KHSRP: variants seen among roughly 807,000 people sequenced by gnomAD.
KHSRP encodes the protein far upstream element-binding protein 2.
A neutral mutation model predicts 94.9 loss-of-function variants in KHSRP; 13 were observed. The ratio of observed to expected loss-of-function variants is 0.14; its 90% CI spans 0.09 to 0.22. The LOEUF (loss-of-function observed/expected upper bound fraction) is 0.22, where lower values mean the gene tolerates loss of function less well. Ranked by LOEUF, KHSRP falls within the 10% of genes least tolerant of loss-of-function variation. The pLI is 1.00. For missense variants in KHSRP, 710 were observed against 1,010.0 expected (o/e 0.70, Z 4.03); for synonymous variants, 495 against 401.4 (o/e 1.23, Z -2.79).
chr19:6,423,701 G>C (rs578047712), intron 1 of KHSRP, among the ~76,000 whole-genome samples: 1 of 152,362 alleles, frequency 6.6e-6, no homozygotes, highest in South Asian at 2.1e-4. Flanking sequence ...CATTGGGACA[G>C]CCCAGGAGCC....
chr19:6,420,027 G>A (rs768005860), intron 6 of KHSRP, 46 bp downstream of exon 6: 1 of 1,439,006 alleles, frequency 6.9e-7, no homozygotes, highest in South Asian at 1.2e-5. Context: ...AGTGCAAAGG[G>A]CCCAACCCTG....
At position 6,418,131 on chromosome 19, in the gene KHSRP, C is replaced by A. The variant is rs2860167; in HGVS notation, c.880-52G>T. 30 of 1,513,772 alleles carry A rather than the reference C, an allele frequency of 2.0e-5. No individual in the cohort carries two copies. The highest frequency in any genetic ancestry group is 2.5e-5 in the Non-Finnish European group (27 of 1,092,210). The allele number at this position is 1,513,772 out of a possible 1,614,324, so 93.8% of individuals were successfully genotyped here. A position where few individuals can be genotyped will look rare whatever the true frequency, so the allele number is the denominator to read the frequency against. Reference sequence around the variant, plus strand: ...ATGGGTGAGCCCTGCTGCCCCACACCCCCCCACCTCCTCGGGGGTGCGGGC... The same window carrying A: ...ATGGGTGAGCCCTGCTGCCCCACACACCCCCACCTCCTCGGGGGTGCGGGC... On this transcript the variant is annotated intron_variant, in intron 9 of 18. Transcript: ENST00000600480. The surrounding 1 kb of genome is among the most constrained non-coding windows in gnomAD (Gnocchi z 4.3).
rs185800143 is a variant in KHSRP, at chr19:6,414,244, C to A, written c.*780G>T. ...GCCAGGAAGCCCCCTCCCAAACCTG[C>A]GCTGGCTCAGGCTGGAAGGACGTGC... On this transcript the variant is annotated 3_prime_UTR_variant, in exon 19 of 19. Transcript: ENST00000600480. 3 of 1,497,384 alleles carry A rather than the reference C, an allele frequency of 2.0e-6. No homozygotes were observed. The African/African-American group carries it at 4.3e-5, about 21-fold the overall frequency. The allele number at this position is 1,497,384 out of a possible 1,614,324, so 92.8% of individuals were successfully genotyped here.
Position 6,423,923 on chromosome 19 carries a change from T to C in KHSRP, c.249+530A>G, listed in dbSNP as rs373989239. Among the ~76,000 whole-genome samples, 91 of 152,302 alleles carry C rather than the reference T, an allele frequency of 6.0e-4. No homozygotes were observed. In the Middle Eastern group the frequency reaches 0.034, roughly 57 times the overall value. ...CAAAGCATCCAAGAGCCAGTCCCCA[T>C]GCTCGTCTTCCCCATTTCGCCCAAG... On this transcript the variant is annotated intron_variant, in intron 1 of 18. Coordinates refer to ENST00000600480, the MANE Select transcript of KHSRP (RefSeq NM_001366299.1).
At chr19:6,423,266 G>A (rs1268464228) in intron 1 of KHSRP, among the ~76,000 whole-genome samples, 2 of 152,156 alleles carry the variant, frequency 1.3e-5, no homozygotes, top group African/African-American at 4.8e-5. Context: ...GTGATATTGA[G>A]ACTGTTTCCA....
chr19:6,416,380 G>A lies in KHSRP; in HGVS notation c.1516C>T (p.Pro506Ser). The change falls in exon 15 of 19, where the codon CCA becomes TCA. Residue 506 changes from proline to serine, a missense_variant. Pro to Ser is a moderately conservative substitution (Grantham distance 74, BLOSUM62 -1). Coordinates refer to ENST00000600480, the MANE Select transcript of KHSRP (RefSeq NM_001366299.1). ...EGPLCPVGPGPGGPGPAGPMG... is the reference protein window; with the variant it reads ...EGPLCPVGPGSGGPGPAGPMG... Reference sequence around the variant, plus strand: ...GGGCCAGCAGGGCCTGGGCCACCTGGGCCTGGTCCAACTGGGCAGAGAGGA... The same window carrying A: ...GGGCCAGCAGGGCCTGGGCCACCTGAGCCTGGTCCAACTGGGCAGAGAGGA... 6.2e-7 allele frequency: 1 copy of A among 1,613,120 alleles called. No individual in the cohort carries two copies. Among genetic ancestry groups the A allele is most frequent in the Non-Finnish European group, 8.5e-7 (1 of 1,179,624 alleles).
Position 6,420,475 on chromosome 19 carries a change from T to TA in KHSRP, c.426-5dup. On this transcript the variant is annotated splice_region_variant and splice_polypyrimidine_tract_variant and intron_variant, in intron 4 of 18. Transcript: ENST00000600480. The stretch of plus-strand genomic sequence containing the variant: ...GTACTCTTCTGTCATTGAAGTCCTG[T>TA]AAAGAGACACGCCAAAGGTCAGTCC... 1 of 1,613,798 alleles carries TA rather than the reference T, an allele frequency of 6.2e-7. No homozygotes were observed. The highest frequency in any genetic ancestry group is 8.5e-7 in the Non-Finnish European group (1 of 1,179,768).
rs942407857 is a variant in KHSRP at position 6,413,991 on chromosome 19, C to A, written c.*1033G>T. The A allele has an allele frequency of 5.6e-6, 7 of 1,254,724 alleles. No homozygotes were observed. In the Admixed American group the frequency reaches 8.8e-5, roughly 16 times the overall value. 77.7% of individuals were successfully genotyped at this position (1,254,724 alleles called of 1,614,324 possible). A position where few individuals can be genotyped will look rare whatever the true frequency, so the allele number is the denominator to read the frequency against. The stretch of plus-strand genomic sequence containing the variant: ...CCCCCCACCCTGCTTGCCGCGAGGG[C>A]TCCCCAGTACTCCCCACGGCAGCCA... On this transcript the variant is annotated 3_prime_UTR_variant, in exon 19 of 19. Transcript: ENST00000600480.
rs372931948 is a variant in KHSRP, at chr19:6,420,194, C to G, written c.476-50G>C. The G allele has an allele frequency of 6.7e-5, 103 of 1,533,986 alleles. No homozygotes were observed. The African/African-American group carries it at 1.3e-3, about 19-fold the overall frequency. ...GCAAAGCGTGATGAGGGAAGGGAGC[C>G]CAGGCCTCAGGAGACTGTGTGGCCG... On this transcript the variant is annotated intron_variant, in intron 5 of 18. Transcript: ENST00000600480.
intron 1 of KHSRP, among the ~76,000 whole-genome samples, chr19:6,423,668 G>A (rs1399535129): frequency 6.6e-6 from 1 of 152,214 alleles, no homozygotes; most frequent in Non-Finnish European, 1.5e-5. Flanking sequence ...ACCTTGGGAG[G>A]AGCCAGTCTC....
At chr19:6,419,583 C>G (rs983474155) in intron 6 of KHSRP, among the ~76,000 whole-genome samples, 1 of 152,192 alleles carries the variant, frequency 6.6e-6, no homozygotes, top group Non-Finnish European at 1.5e-5. Context: ...GCTACACGCC[C>G]AAGGAAGCCT....
chr19:6,421,094 G>A (rs2092192395), intron 4 of KHSRP, 184 bp downstream of exon 4: 2 of 624,552 alleles, frequency 3.2e-6, no homozygotes, highest in South Asian at 2.0e-5. Context: ...CAGCCCTTCA[G>A]ACAAGGGGTA....
At chr19:6,421,533 T>C (rs1281860146) in intron 3 of KHSRP, 117 bp downstream of exon 3, 3 of 1,197,566 alleles carry the variant, frequency 2.5e-6, no homozygotes, top group Non-Finnish European at 3.7e-6. Context: ...GGCCCCAGAA[T>C]GAAGCACCAG....
In KHSRP at chr19:6,418,613, GCTCT is replaced by G. The variant is rs1206106782; in HGVS notation, c.781-36_781-33del. On this transcript the variant is annotated intron_variant, in intron 8 of 18. Coordinates refer to ENST00000600480, the MANE Select transcript of KHSRP (RefSeq NM_001366299.1). This position sits in a 1 kb window ranked among gnomAD's most constrained non-coding sequence, Gnocchi z 4.3. Reference sequence around the variant, plus strand: ...AAGCAAGGTTAACCGTTAGTGCTGGGCTCTCCCAGGACTTCCTGGGCTGCTGTGG... The same window carrying G: ...AAGCAAGGTTAACCGTTAGTGCTGGGCCCAGGACTTCCTGGGCTGCTGTGG... The G allele has an allele frequency of 6.2e-7, 1 of 1,612,314 alleles. No individual in the cohort carries two copies. Among genetic ancestry groups the G allele is most frequent in the East Asian group, 2.2e-5 (1 of 44,874 alleles).
chr19:6,413,482 C>G lies in KHSRP; in HGVS notation c.*1542G>C, dbSNP rs1177627638. On this transcript the variant is annotated 3_prime_UTR_variant, in exon 19 of 19. Transcript: ENST00000600480. ...TTGAACAGATGAAAAGACAACAGAC[C>G]AGTCCTGGGAGGGGGGACGGGCGGG... is the stretch of plus-strand genomic sequence containing the variant. 1 of 363,488 alleles carries G rather than the reference C, an allele frequency of 2.8e-6. No homozygotes were observed. Among genetic ancestry groups the G allele is most frequent in the Non-Finnish European group, 5.5e-6 (1 of 180,334 alleles). 22.5% of individuals were successfully genotyped at this position (363,488 alleles called of 1,614,324 possible).
chr19:6,420,143 G>A lies in KHSRP; in HGVS notation c.477C>T (p.Ile159=), dbSNP rs762164453. ...TAATTTGTTCACCTCCTCTGCCAAT[G>A]ACTGGATGGAGAAAGAAGGAGAAAA... The part of the protein sequence containing the change: ...YRVPDGMVGL[I]IGRGGEQINK... The change falls in exon 6 of 19, where the codon ATC becomes ATT. Residue 159 remains isoleucine, a splice_region_variant and synonymous_variant. Coordinates refer to ENST00000600480, the MANE Select transcript of KHSRP (RefSeq NM_001366299.1). The A allele has an allele frequency of 6.2e-6, 10 of 1,611,444 alleles. No individual in the cohort carries two copies. Among genetic ancestry groups the A allele is most frequent in the South Asian group, 5.5e-5 (5 of 90,870 alleles).
intron 16 of KHSRP, 32 bp downstream of exon 16, chr19:6,415,776 G>A (rs202196104): frequency 6.4e-7 from 1 of 1,552,710 alleles, no homozygotes; most frequent in Non-Finnish European, 8.7e-7. Flanking sequence ...ACAGAACAGG[G>A]CCTGCCCTCC....
rs1269548914 is a variant in KHSRP at position 6,418,512 on chromosome 19, G to A, written c.850C>T (p.Arg284Cys). 6.2e-7 allele frequency: 1 copy of A among 1,613,816 alleles called. No homozygotes were observed. Among genetic ancestry groups the A allele is most frequent in the Non-Finnish European group, 8.5e-7 (1 of 1,179,794 alleles). ...SQNTNVDKPLRIIGDPYKVQQ... is the reference protein window; with the variant it reads ...SQNTNVDKPLCIIGDPYKVQQ... Reference sequence around the variant, plus strand: ...ACTTTGTAAGGATCCCCAATGATGCGGAGAGGTTTGTCCACATTCGTATTC... The same window carrying A: ...ACTTTGTAAGGATCCCCAATGATGCAGAGAGGTTTGTCCACATTCGTATTC... Residue 284 changes from arginine (R) to cysteine (C), a missense_variant, in exon 9 of 19, where the codon CGC becomes TGC. Arg to Cys is a radical substitution (Grantham distance 180, BLOSUM62 -3). Coordinates refer to ENST00000600480, the MANE Select transcript of KHSRP (RefSeq NM_001366299.1). This position sits in a 1 kb window ranked among gnomAD's most constrained non-coding sequence, Gnocchi z 4.3.
chr19:6,418,657 T>C lies in KHSRP; in HGVS notation c.780+45A>G, dbSNP rs1401362624. On this transcript the variant is annotated intron_variant, in intron 8 of 18. Transcript: ENST00000600480. This position sits in a 1 kb window ranked among gnomAD's most constrained non-coding sequence, Gnocchi z 4.3. The stretch of plus-strand genomic sequence containing the variant: ...GGCTGCTGTGGTGGTGGCGGTGGGG[T>C]GTGGCACACGGATGCAGAGGAAGCT... 3.1e-6 allele frequency: 5 copies of C among 1,613,044 alleles called. No individual in the cohort carries two copies. Among genetic ancestry groups the C allele is most frequent in the Non-Finnish European group, 4.2e-6 (5 of 1,179,340 alleles).
Sources: allele counts gnomAD v4.1 joint callset (sites outside exome capture counted in the v4.1 genomes callset), GRCh38; gene constraint gnomAD v4.1.1; non-coding constraint Gnocchi (gnomAD v3.1); transcripts MANE v1.5; gene names NCBI Gene and HGNC (gene_info 2026-07-23, HGNC 2026-07-21).